Variants in GRIK2 observed in about 807,000 individuals in gnomAD.
The protein encoded by GRIK2 is glutamate receptor ionotropic, kainate 2.
Under a neutral mutation model 100.3 loss-of-function variants are expected in GRIK2, and 32 were observed. The ratio of observed to expected loss-of-function variants is 0.32; its 90% CI spans 0.24 to 0.43. The LOEUF (loss-of-function observed/expected upper bound fraction) is 0.43, where lower values mean the gene tolerates loss of function less well. GRIK2 is among the 20% of genes least tolerant of loss of function. GRIK2 has a pLI of 1.00. For missense variants in GRIK2, 843 were observed against 1,114.9 expected, an observed-to-expected ratio of 0.76 and a Z score of 3.47; for synonymous variants, 417 against 389.4, an observed-to-expected ratio of 1.07 and a Z score of -0.83.
At chr6:101,420,740 T>C (rs962248271) in intron 2 of GRIK2, among the ~76,000 whole-genome samples, 1 of 152,188 alleles carries the variant, frequency 6.6e-6, no homozygotes, top group Non-Finnish European at 1.5e-5. Flanking sequence ...GAAATGGACA[T>C]GCTTCTTACC....
chr6:101,975,793 G>GTCTATCTATCTGTCTATCTATCTA (rs1450931270), intron 14 of GRIK2, among the ~76,000 whole-genome samples: 1 of 96,976 alleles, frequency 1.0e-5, no homozygotes, highest in East Asian at 4.1e-4. Context: ...CTGTCTGTCT[G>GTCTATCTATCTGTCTATCTATCTA]TCTATCTATC....
In GRIK2 at chr6:101,413,868, C is replaced by A. The variant is rs114406895; in HGVS notation, c.115+14476C>A. On this transcript the variant is annotated intron_variant, in intron 2 of 16. Transcript: ENST00000369134. ...TTATTTATACAAGCAACCAGTCATACAATTTGCTATTTGTTCAAGTCTTTA... is the reference window on the plus strand; with the variant it reads ...TTATTTATACAAGCAACCAGTCATAAAATTTGCTATTTGTTCAAGTCTTTA... Among the ~76,000 whole-genome samples the A allele has an allele frequency of 1.3e-4, 15 of 117,488 alleles. No individual in the cohort carries two copies. In the East Asian group the frequency reaches 5.5e-3, roughly 43 times the overall value. 77.1% of individuals were successfully genotyped at this position (117,488 alleles called of 152,430 possible).
intron 4 of GRIK2, among the ~76,000 whole-genome samples, chr6:101,630,210 T>C (rs1445916319): frequency 6.6e-6 from 1 of 152,152 alleles, no homozygotes; most frequent in Non-Finnish European, 1.5e-5. Flanking sequence ...GAATCATGTA[T>C]TTTCCTTTGT....
chr6:101,696,398 T>A (rs918009715), intron 7 of GRIK2, among the ~76,000 whole-genome samples: 2 of 151,858 alleles, frequency 1.3e-5, no homozygotes, highest in Non-Finnish European at 2.9e-5. Context: ...ATTACCTACC[T>A]CTGGATCCCA....
chr6:102,068,485 T>C lies in GRIK2; in HGVS notation c.2701T>C (p.Leu901=), dbSNP rs1290772381. 7 of 1,611,444 alleles carry C rather than the reference T, an allele frequency of 4.3e-6. No homozygotes were observed. In the Middle Eastern group the frequency reaches 6.6e-4, roughly 152 times the overall value. The change falls in exon 17 of 17, where the codon TTG becomes CTG. Residue 901 remains leucine, a synonymous_variant. Coordinates refer to ENST00000369134, the MANE Select transcript of GRIK2 (RefSeq NM_021956.5). ...CATGCACACATTTAACGACAGAAGG[T>C]TGCCAGGTAAAGAAACCATGGCATA... ...INMHTFNDRR[L]PGKETMA
chr6:101,508,545 C>T (rs1287070340), intron 2 of GRIK2, among the ~76,000 whole-genome samples: 1 of 152,102 alleles, frequency 6.6e-6, no homozygotes, highest in East Asian at 1.9e-4. Context: ...ATTTCATAAG[C>T]TTATATATTA....
chr6:101,690,025 A>C (rs1312736658), intron 7 of GRIK2, among the ~76,000 whole-genome samples: 2 of 152,136 alleles, frequency 1.3e-5, no homozygotes, highest in African/African-American at 4.8e-5. Flanking sequence ...AACCAGTGCC[A>C]ATCAGAGCCC....
At chr6:101,677,532 C>G (rs1770929512) in intron 5 of GRIK2, among the ~76,000 whole-genome samples, 1 of 152,110 alleles carries the variant, frequency 6.6e-6, no homozygotes, top group Non-Finnish European at 1.5e-5. Context: ...AACTGGAAAA[C>G]AGAAATTATT....
At chr6:101,539,066 T>C (rs1775862776) in intron 2 of GRIK2, among the ~76,000 whole-genome samples, 1 of 151,728 alleles carries the variant, frequency 6.6e-6, no homozygotes, top group South Asian at 2.1e-4. Flanking sequence ...GAATATTGAA[T>C]CAATCAACAA....
intron 14 of GRIK2, among the ~76,000 whole-genome samples, chr6:102,034,933 A>T (rs575086339): frequency 1.3e-5 from 2 of 151,290 alleles, no homozygotes; most frequent in Non-Finnish European, 3.0e-5. Flanking sequence ...TGTCAATCTG[A>T]GTGCAGTATT....
chr6:102,034,739 G>T (rs1183699411), intron 14 of GRIK2, among the ~76,000 whole-genome samples: 1 of 151,316 alleles, frequency 6.6e-6, no homozygotes, highest in Non-Finnish European at 1.5e-5. Context: ...AAGAAGTACT[G>T]AGGTGATCAA....
At chr6:101,876,102 C>G (rs1283949295) in intron 11 of GRIK2, among the ~76,000 whole-genome samples, 1 of 151,434 alleles carries the variant, frequency 6.6e-6, no homozygotes, top group Non-Finnish European at 1.5e-5. Context: ...AATCAGAAGC[C>G]TGTATTTAGG....
At chr6:101,924,225 G>A (rs1219649326) in intron 12 of GRIK2, among the ~76,000 whole-genome samples, 2 of 151,484 alleles carry the variant, frequency 1.3e-5, no homozygotes, top group African/African-American at 2.4e-5. Flanking sequence ...AATACTCTAC[G>A]GTCTTTAAAA....
chr6:101,403,412 G>T (rs2787568), intron 2 of GRIK2, among the ~76,000 whole-genome samples: 33,236 of 152,070 alleles, frequency 0.22, 3,831 homozygotes, highest in African/African-American at 0.24. Context: ...AGACGCGCTG[G>T]GGTCTCTTTG....
intron 2 of GRIK2, among the ~76,000 whole-genome samples, chr6:101,420,929 G>A (rs1433438461): frequency 6.6e-6 from 1 of 152,174 alleles, no homozygotes; most frequent in African/African-American, 2.4e-5. Flanking sequence ...TACCAACCAA[G>A]GGAGACAAAC....
At chr6:101,434,329 A>G (rs1769596146) in intron 2 of GRIK2, among the ~76,000 whole-genome samples, 1 of 152,180 alleles carries the variant, frequency 6.6e-6, no homozygotes, top group African/African-American at 2.4e-5. Context: ...GAGTTCTCAT[A>G]CAAGTCTCTC....
chr6:101,670,827 T>C (rs1770379305), intron 4 of GRIK2, among the ~76,000 whole-genome samples: 1 of 152,200 alleles, frequency 6.6e-6, no homozygotes, highest in Admixed American at 6.5e-5. Flanking sequence ...GAGAGTCTAA[T>C]ATATGCCAGT....
chr6:101,906,366 C>CTGTGTGTGTGTGTGTGTGTG (rs141112872), intron 12 of GRIK2, among the ~76,000 whole-genome samples: 37,499 of 145,498 alleles, frequency 0.26, 5,086 homozygotes, highest in Non-Finnish European at 0.32. Context: ...AAAACAAGAT[C>CTGTGTGTGTGTGTGTGTGTG]TGTGTGTGTG....
At chr6:101,863,228 G>C (rs1784832533) in intron 11 of GRIK2, among the ~76,000 whole-genome samples, 1 of 152,146 alleles carries the variant, frequency 6.6e-6, no homozygotes, top group Admixed American at 6.5e-5. Context: ...AATCAGCAAT[G>C]TTATCTCAAA....
Sources: allele counts gnomAD v4.1 joint callset (sites outside exome capture counted in the v4.1 genomes callset), GRCh38; gene constraint gnomAD v4.1.1; transcripts MANE v1.5; gene names NCBI Gene and HGNC (gene_info 2026-07-23, HGNC 2026-07-21).